The following CATSPERB variants were observed in gnomAD, a reference collection of about 807,000 sequenced individuals.
CATSPERB encodes catsper channel auxiliary subunit beta, also known as cation channel sperm-associated auxiliary subunit beta.
A neutral mutation model predicts 128.3 loss-of-function variants in CATSPERB; 93 were observed. The ratio of observed to expected loss-of-function variants is 0.72; its 90% CI spans 0.61 to 0.86. The LOEUF is 0.86. CATSPERB is among the 40% of genes least tolerant of loss of function. The pLI is 0.00. For missense variants in CATSPERB, 1,153 were observed against 1,329.5 expected (o/e 0.87, Z 2.06); for synonymous variants, 381 against 448.8 (o/e 0.85, Z 1.91).
chr14:91,667,956 T>C (rs1024366312), intron 14 of CATSPERB, among the ~76,000 whole-genome samples: 1 of 152,096 alleles, frequency 6.6e-6, no homozygotes, highest in Non-Finnish European at 1.5e-5. Flanking sequence ...CATCAAACTA[T>C]AGATGGTCTT....
Position 91,721,291 on chromosome 14 carries a change from G to T in CATSPERB, c.309+1758C>A, listed in dbSNP as rs554910753. Among the ~76,000 whole-genome samples, 3 of 152,086 alleles carry T rather than the reference G, an allele frequency of 2.0e-5. No homozygotes were observed. In the South Asian group the frequency reaches 6.2e-4, roughly 32 times the overall value. Reference sequence around the variant, plus strand: ...ACTATAAAGAAAGTGAAAAGACAACGCATAGAATGAGAGAAAATATTTGCA... The same window carrying T: ...ACTATAAAGAAAGTGAAAAGACAACTCATAGAATGAGAGAAAATATTTGCA... On this transcript the variant is annotated intron_variant, in intron 4 of 26. Coordinates refer to ENST00000256343, the MANE Select transcript of CATSPERB (RefSeq NM_024764.4).
At chr14:91,624,308 C>T (rs1377274942) in intron 18 of CATSPERB, among the ~76,000 whole-genome samples, 1 of 152,224 alleles carries the variant, frequency 6.6e-6, no homozygotes, top group Non-Finnish European at 1.5e-5. Context: ...ATGGTGAAAC[C>T]CCATCTCTAC....
intron 26 of CATSPERB, among the ~76,000 whole-genome samples, chr14:91,584,966 C>A (rs1893271437): frequency 6.6e-6 from 1 of 152,024 alleles, no homozygotes; most frequent in Non-Finnish European, 1.5e-5. Flanking sequence ...AAACTTGAGG[C>A]TTTTCCGTCT....
chr14:91,595,124 C>T (rs1218875125), intron 22 of CATSPERB, among the ~76,000 whole-genome samples: 2 of 152,104 alleles, frequency 1.3e-5, no homozygotes, highest in East Asian at 1.9e-4. Context: ...TAATTTTTCT[C>T]TCTCCAGTTT....
At chr14:91,662,822 A>C (rs1357526914) in intron 14 of CATSPERB, among the ~76,000 whole-genome samples, 1 of 152,110 alleles carries the variant, frequency 6.6e-6, no homozygotes, top group Non-Finnish European at 1.5e-5. Context: ...TCACGTATTC[A>C]TTCCACTTGT....
At chr14:91,697,063 T>A (rs992466962) in intron 7 of CATSPERB, among the ~76,000 whole-genome samples, 1 of 152,092 alleles carries the variant, frequency 6.6e-6, no homozygotes, top group East Asian at 1.9e-4. Flanking sequence ...CGAAGAGTGA[T>A]AGGATTTATA....
chr14:91,609,909 T>A (rs1893791718), intron 21 of CATSPERB, among the ~76,000 whole-genome samples: 1 of 152,022 alleles, frequency 6.6e-6, no homozygotes, highest in African/African-American at 2.4e-5. Flanking sequence ...TTTGTAGAGA[T>A]GGGGTTTCTC....
intron 25 of CATSPERB, 25 bp downstream of exon 25, chr14:91,587,953 G>T: frequency 6.8e-7 from 1 of 1,464,028 alleles, no homozygotes; most frequent in Non-Finnish European, 9.5e-7. Context: ...ACTCAACACA[G>T]TAAAAACAAC....
At chr14:91,656,210 G>T (rs1400365075) in intron 15 of CATSPERB, among the ~76,000 whole-genome samples, 2 of 152,052 alleles carry the variant, frequency 1.3e-5, no homozygotes, top group Non-Finnish European at 1.5e-5. Context: ...TAAATAAAAA[G>T]ATATTAATGA....
At chr14:91,687,176 G>C (rs1895390507) in intron 10 of CATSPERB, among the ~76,000 whole-genome samples, 1 of 152,152 alleles carries the variant, frequency 6.6e-6, no homozygotes, top group Non-Finnish European at 1.5e-5. Flanking sequence ...AATATACAGA[G>C]AGGTGGGATA....
At position 91,621,607 on chromosome 14, in the gene CATSPERB, C is replaced by T. The variant is rs753798941; in HGVS notation, c.2260+1G>A. On this transcript the variant is annotated splice_donor_variant, in intron 19 of 26. Coordinates refer to ENST00000256343, the MANE Select transcript of CATSPERB (RefSeq NM_024764.4). LOFTEE classifies it high-confidence loss of function. ...ATATTTTCCGATCAAAACAAACTTA[C>T]CTTTTGCATTCCGTATGACCTTAGC... 4 of 1,559,300 alleles carry T rather than the reference C, an allele frequency of 2.6e-6. No homozygotes were observed. The highest frequency in any genetic ancestry group is 1.8e-4 in the Middle Eastern group (1 of 5,556).
intron 5 of CATSPERB, among the ~76,000 whole-genome samples, chr14:91,716,594 TAAAC>T (rs557612720): frequency 4.6e-5 from 7 of 151,608 alleles, no homozygotes; most frequent in Non-Finnish European, 7.4e-5. Flanking sequence ...TCCAAACAAA[TAAAC>T]AAACAAACAA....
intron 22 of CATSPERB, among the ~76,000 whole-genome samples, chr14:91,592,856 C>G (rs542992006): frequency 4.8e-4 from 73 of 152,322 alleles, no homozygotes; most frequent in African/African-American, 1.7e-3. Context: ...ACCTTCATGG[C>G]AGCCCCTCCC....
intron 19 of CATSPERB, among the ~76,000 whole-genome samples, chr14:91,619,410 C>T (rs1376563119): frequency 6.6e-6 from 1 of 151,854 alleles, no homozygotes; most frequent in African/African-American, 2.4e-5. Context: ...AAAGGATTTC[C>T]AAGGGTTTCA....
At chr14:91,727,855 T>C (rs1171926944) in intron 2 of CATSPERB, among the ~76,000 whole-genome samples, 1 of 152,176 alleles carries the variant, frequency 6.6e-6, no homozygotes, top group Non-Finnish European at 1.5e-5. Context: ...GCCACATATA[T>C]TACTGTCTCC....
intron 15 of CATSPERB, among the ~76,000 whole-genome samples, chr14:91,641,348 T>G (rs1428559126): frequency 6.8e-6 from 1 of 147,042 alleles, no homozygotes; most frequent in Non-Finnish European, 1.5e-5. Flanking sequence ...TAGGTTTTCT[T>G]CTAGGGTTTT....
In CATSPERB at chr14:91,691,465, A is replaced by G. The variant is rs113480433; in HGVS notation, c.864+58T>C. The G allele has an allele frequency of 3.2e-3, 4,037 of 1,247,466 alleles. 96 individuals carry two copies. In the African/African-American group the frequency reaches 0.052, roughly 16 times the overall value. The allele number at this position is 1,247,466 out of a possible 1,614,324, so 77.3% of individuals were successfully genotyped here. On this transcript the variant is annotated intron_variant, in intron 10 of 26. Transcript: ENST00000256343. Reference sequence around the variant, plus strand: ...GAATTATTGTCTTGCATCTCATCTCAAGTTACCAAGTAAACACATATCTTC... The same window carrying G: ...GAATTATTGTCTTGCATCTCATCTCGAGTTACCAAGTAAACACATATCTTC...
chr14:91,670,729 C>T (rs566471438), intron 13 of CATSPERB, among the ~76,000 whole-genome samples: 4 of 151,446 alleles, frequency 2.6e-5, no homozygotes, highest in African/African-American at 7.3e-5. Context: ...TTTGGCCAGG[C>T]GCAGTGGCTT....
intron 14 of CATSPERB, among the ~76,000 whole-genome samples, chr14:91,666,896 G>T (rs998605462): frequency 3.9e-5 from 6 of 152,192 alleles, no homozygotes; most frequent in African/African-American, 1.4e-4. Context: ...CCAGATTTAT[G>T]CCGCCCGAGA....
Sources: gnomAD v4.1 joint callset for allele counts (sites outside exome capture counted in the v4.1 genomes callset) on GRCh38, gnomAD v4.1.1 for gene constraint, MANE v1.5 for transcripts, NCBI Gene and HGNC (gene_info 2026-07-23, HGNC 2026-07-21) for gene names.